Variants in EXD3 observed in about 807,000 individuals in gnomAD.
EXD3 encodes the protein exonuclease 3'-5' domain containing 3.
In EXD3, 92 loss-of-function variants were observed where a neutral mutation model predicts 98.0. The observed-to-expected ratio is 0.94, with a 90% CI of 0.79 to 1.12. The LOEUF is 1.12. EXD3 is among the 50% of genes most tolerant of loss of function. The pLI is 0.00. For missense variants in EXD3, 1,222 were observed against 1,191.6 expected, an observed-to-expected ratio of 1.03 and a Z score of -0.38; for synonymous variants, 569 against 526.0, an observed-to-expected ratio of 1.08 and a Z score of -1.12.
chr9:137,338,892 C>CA (rs766408966), intron 17 of EXD3, among the ~76,000 whole-genome samples: 3,105 of 63,214 alleles, frequency 0.049, 123 homozygotes, highest in African/African-American at 0.12. Flanking sequence ...GACTCCATCT[C>CA]AAAAAAAAAA....
At chr9:137,350,070 T>C (rs1315809606) in intron 14 of EXD3, among the ~76,000 whole-genome samples, 223 of 22,160 alleles carry the variant, frequency 0.01, 3 homozygotes, top group African/African-American at 0.039. Flanking sequence ...TAGAGAGGGG[T>C]GGGGATCACG....
intron 17 of EXD3, among the ~76,000 whole-genome samples, chr9:137,333,341 G>T (rs1588282734): frequency 6.6e-6 from 1 of 152,176 alleles, no homozygotes; most frequent in Non-Finnish European, 1.5e-5. Context: ...GCCTGGGTGA[G>T]ACTTCACCTT....
At chr9:137,340,011 C>T (rs546540488) in intron 17 of EXD3, among the ~76,000 whole-genome samples, 3 of 152,086 alleles carry the variant, frequency 2.0e-5, no homozygotes, top group Non-Finnish European at 4.4e-5. Context: ...TCAGTAAGAG[C>T]CAGGGGCATT....
chr9:137,340,728 A>T (rs1833606717), intron 17 of EXD3, among the ~76,000 whole-genome samples: 1 of 151,986 alleles, frequency 6.6e-6, no homozygotes. Context: ...CTATGTTACC[A>T]GGCTGGTCTC....
intron 3 of EXD3, among the ~76,000 whole-genome samples, chr9:137,378,878 T>G (rs1159212769): frequency 2.1e-5 from 3 of 144,900 alleles, no homozygotes; most frequent in Non-Finnish European, 4.6e-5. Context: ...GTACAGGGTT[T>G]GTGGGTGACG....
rs964191017 is a variant in EXD3, at chr9:137,352,519, C to A, written c.1037+101G>T. 1.0e-5 allele frequency: 12 copies of A among 1,199,918 alleles called. No homozygotes were observed. The African/African-American group carries it at 1.7e-4, about 17-fold the overall frequency. 74.3% of individuals were successfully genotyped at this position (1,199,918 alleles called of 1,614,324 possible). On this transcript the variant is annotated intron_variant, in intron 11 of 21. Transcript: ENST00000340951. ...CTTTGTTTTGTCTTGATTTCTAATT[C>A]TCAAGCCACTGGCGTGAAGACTGGT...
intron 19 of EXD3, among the ~76,000 whole-genome samples, chr9:137,314,380 G>C (rs932923679): frequency 2.6e-5 from 4 of 152,206 alleles, no homozygotes; most frequent in Non-Finnish European, 1.5e-5. Context: ...TTCCACTGGA[G>C]ACAGTGCTGG....
chr9:137,325,346 G>A (rs984383433), intron 17 of EXD3, among the ~76,000 whole-genome samples: 1 of 152,208 alleles, frequency 6.6e-6, no homozygotes, highest in African/African-American at 2.4e-5. Context: ...CACACCACAG[G>A]GGGGCAACAT....
chr9:137,373,561 G>C lies in EXD3; in HGVS notation c.159C>G (p.Asp53Glu). 3 of 1,603,320 alleles carry C rather than the reference G, an allele frequency of 1.9e-6. No individual in the cohort carries two copies. The African/African-American group carries it at 4.0e-5, about 21-fold the overall frequency. The change falls in exon 4 of 22, where the codon GAC becomes GAG. Residue 53 changes from aspartate to glutamate, a missense_variant. Physicochemically the swap from Asp to Glu is conservative, Grantham distance 45 (BLOSUM62 2). Transcript: ENST00000340951. ...TGTCCAGAAGCCCGGCCAGGGGGTC[G>C]TCCAAGGCAGCAAACCCCCGCCAGG... ...EEAWRGFAAL[D>E]DPLAGLLDML... is the part of the protein sequence containing the mutation.
chr9:137,372,858 G>C (rs371131971), intron 5 of EXD3, 47 bp downstream of exon 5: 1 of 1,583,590 alleles, frequency 6.3e-7, no homozygotes, highest in Non-Finnish European at 8.5e-7. Flanking sequence ...TTGCCCCACC[G>C]CCCGAGAAGC....
At chr9:137,340,403 G>A (rs1300723214) in intron 17 of EXD3, among the ~76,000 whole-genome samples, 2 of 152,110 alleles carry the variant, frequency 1.3e-5, no homozygotes, top group African/African-American at 4.8e-5. Context: ...CTTGAATCCG[G>A]GAGGCAGAGG....
intron 16 of EXD3, among the ~76,000 whole-genome samples, chr9:137,348,629 G>C (rs1162236794): frequency 8.7e-6 from 1 of 115,436 alleles, no homozygotes; most frequent in Non-Finnish European, 1.8e-5. Flanking sequence ...TAGACAGAGA[G>C]GGGTGGGGAT....
intron 17 of EXD3, among the ~76,000 whole-genome samples, chr9:137,346,285 G>GA (rs916759595): frequency 2.4e-5 from 3 of 124,198 alleles, no homozygotes; most frequent in South Asian, 2.4e-4. Flanking sequence ...CTTACTGAAG[G>GA]AAAAAAAGAG....
chr9:137,339,250 T>C (rs1833527987), intron 17 of EXD3, among the ~76,000 whole-genome samples: 1 of 151,982 alleles, frequency 6.6e-6, no homozygotes, highest in Non-Finnish European at 1.5e-5. Context: ...ATTTAAACAT[T>C]ACTCAGTTGC....
chr9:137,340,836 C>T (rs534061649), intron 17 of EXD3, among the ~76,000 whole-genome samples: 1 of 152,176 alleles, frequency 6.6e-6, no homozygotes, highest in Admixed American at 6.5e-5. Context: ...TTAAATATGT[C>T]ATTTTTCCCT....
chr9:137,309,989 C>T (rs1049853677), intron 19 of EXD3, among the ~76,000 whole-genome samples: 15 of 152,234 alleles, frequency 9.9e-5, no homozygotes, highest in African/African-American at 2.4e-4. Flanking sequence ...CCAGAGCCCT[C>T]GAGGGCAGAA....
At chr9:137,397,655 C>A (rs1015324529) in intron 1 of EXD3, among the ~76,000 whole-genome samples, 12 of 152,186 alleles carry the variant, frequency 7.9e-5, no homozygotes, top group Admixed American at 3.3e-4. Context: ...ACTGCGTTCA[C>A]AGAATGAACA....
chr9:137,400,411 T>C (rs1837420404), intron 1 of EXD3, among the ~76,000 whole-genome samples: 1 of 152,196 alleles, frequency 6.6e-6, no homozygotes, highest in Non-Finnish European at 1.5e-5. Context: ...TATGAGCCTG[T>C]AAAATCAAAA....
intron 7 of EXD3, 43 bp from the exon 8 acceptor site, chr9:137,356,411 T>C: frequency 8.1e-7 from 1 of 1,235,904 alleles, no homozygotes; most frequent in South Asian, 1.3e-5. Context: ...TGTTTTAAGT[T>C]AATACATTTT....
Sources: gnomAD v4.1 joint callset for allele counts (sites outside exome capture counted in the v4.1 genomes callset) on GRCh38, gnomAD v4.1.1 for gene constraint, MANE v1.5 for transcripts, NCBI Gene and HGNC (gene_info 2026-07-23, HGNC 2026-07-21) for gene names.